The following SGMS1 variants were observed in gnomAD, a reference collection of about 807,000 sequenced individuals.
SGMS1 encodes sphingomyelin synthase 1, also known as phosphatidylcholine:ceramide cholinephosphotransferase 1.
Under a neutral mutation model 46.2 loss-of-function variants are expected in SGMS1, and 13 were observed. The ratio of observed to expected loss-of-function variants is 0.28; its 90% CI spans 0.18 to 0.45. The LOEUF is 0.45. SGMS1 is among the 20% of genes least tolerant of loss of function. SGMS1 has a pLI of 1.00. For synonymous variants in SGMS1, 203 were observed against 187.8 expected (o/e 1.08, Z -0.66); for missense variants, 324 against 519.9 (o/e 0.62, Z 3.66).
At chr10:50,554,822 C>G in intron 2 of SGMS1, among the ~76,000 whole-genome samples, 1 of 152,332 alleles carries the variant, frequency 6.6e-6, no homozygotes, top group Non-Finnish European at 1.5e-5. Context: ...TCTAGACACA[C>G]AAAATGTTCT....
chr10:50,512,929 C>T (rs1837770011), intron 3 of SGMS1, among the ~76,000 whole-genome samples: 1 of 152,182 alleles, frequency 6.6e-6, no homozygotes, highest in South Asian at 2.1e-4. Flanking sequence ...TTACCCACTA[C>T]AAGTCTTGAA....
chr10:50,339,178 C>A (rs1294330216), intron 7 of SGMS1, among the ~76,000 whole-genome samples: 2 of 152,202 alleles, frequency 1.3e-5, no homozygotes, highest in African/African-American at 2.4e-5. Flanking sequence ...TGGCTTACTG[C>A]CACATTTGAA....
chr10:50,560,035 C>T (rs1838220031), intron 2 of SGMS1, among the ~76,000 whole-genome samples: 2 of 146,702 alleles, frequency 1.4e-5, no homozygotes, highest in African/African-American at 4.9e-5. Context: ...CGTGTATACA[C>T]ACAGATTTAT....
chr10:50,595,403 C>A (rs1055983291), intron 1 of SGMS1, among the ~76,000 whole-genome samples: 6 of 152,180 alleles, frequency 3.9e-5, no homozygotes, highest in African/African-American at 1.4e-4. Flanking sequence ...GTCTCAAACT[C>A]CTAACCTTAG....
intron 9 of SGMS1, among the ~76,000 whole-genome samples, chr10:50,309,393 A>G (rs908376355): frequency 1.3e-5 from 2 of 152,218 alleles, no homozygotes; most frequent in Non-Finnish European, 2.9e-5. Flanking sequence ...TGAGGAAACT[A>G]AGACTTAGGT....
chr10:50,623,570 G>A (rs1375502627), intron 1 of SGMS1, 137 bp downstream of exon 1: 5 of 984,832 alleles, frequency 5.1e-6, no homozygotes, highest in South Asian at 9.4e-5. Flanking sequence ...GCGGCACCGC[G>A]CGGGCTGCGC....
intron 6 of SGMS1, among the ~76,000 whole-genome samples, chr10:50,371,771 A>T (rs1848439439): frequency 6.6e-6 from 1 of 152,206 alleles, no homozygotes; most frequent in Non-Finnish European, 1.5e-5. Context: ...GAAGGCTAGG[A>T]AGTTCAATCT....
At chr10:50,437,265 A>G (rs188782931) in intron 5 of SGMS1, among the ~76,000 whole-genome samples, 3 of 152,344 alleles carry the variant, frequency 2.0e-5, no homozygotes, top group South Asian at 2.1e-4. Flanking sequence ...GCTTGGGGTG[A>G]TATCTCATGT....
intron 1 of SGMS1, 92 bp from the exon 2 acceptor site, chr10:50,590,339 T>C (rs1403292961): frequency 1.3e-5 from 2 of 152,314 alleles, no homozygotes; most frequent in East Asian, 3.8e-4. Context: ...TAATATATGA[T>C]AAGCCTCTAA....
chr10:50,470,670 A>G (rs1378442035), intron 3 of SGMS1, among the ~76,000 whole-genome samples: 1 of 151,884 alleles, frequency 6.6e-6, no homozygotes, highest in Non-Finnish European at 1.5e-5. Flanking sequence ...CTATATTCTT[A>G]CCTTTTCTAG....
At chr10:50,348,013 C>T (rs868283385) in intron 6 of SGMS1, among the ~76,000 whole-genome samples, 3 of 152,146 alleles carry the variant, frequency 2.0e-5, no homozygotes, top group African/African-American at 4.8e-5. Context: ...TTTGTCCTAA[C>T]GCTTTCCCTC....
At chr10:50,557,028 AATT>A (rs1838194615) in intron 2 of SGMS1, among the ~76,000 whole-genome samples, 1 of 152,186 alleles carries the variant, frequency 6.6e-6, no homozygotes, top group Non-Finnish European at 1.5e-5. Context: ...TTGCAAATAA[AATT>A]AATATTAATA....
chr10:50,343,920 T>C lies in SGMS1; in HGVS notation c.195A>G (p.Glu65=). 6.2e-7 allele frequency: 1 copy of C among 1,613,980 alleles called. No individual in the cohort carries two copies. The highest frequency in any genetic ancestry group is 8.5e-7 in the Non-Finnish European group (1 of 1,179,894). Residue 65 remains glutamate, a synonymous_variant, in exon 7 of 11, where the codon GAA becomes GAG. Transcript: ENST00000361781. ...DNGQRLLDMI[E]TLKMEHHLEA... ...CCAAATGGTGCTCCATTTTCAGGGTTTCTATCATGTCCAGGAGCCGCTGCC... is the reference window on the plus strand; with the variant it reads ...CCAAATGGTGCTCCATTTTCAGGGTCTCTATCATGTCCAGGAGCCGCTGCC...
At chr10:50,492,881 GC>G (rs1837578554) in intron 3 of SGMS1, among the ~76,000 whole-genome samples, 1 of 152,054 alleles carries the variant, frequency 6.6e-6, no homozygotes, top group African/African-American at 2.4e-5. Context: ...TCCACTATGG[GC>G]CAAAAGACCC....
chr10:50,454,050 C>CAAAAAAAAAAAAAAAAAAAAA (rs71846628), intron 5 of SGMS1, among the ~76,000 whole-genome samples: 12 of 97,972 alleles, frequency 1.2e-4, no homozygotes, highest in Admixed American at 2.3e-4. Flanking sequence ...TTTACATAGG[C>CAAAAAAAAAAAAAAAAAAAAA]AAAAAAAAAA....
chr10:50,500,671 C>G (rs1236703252), intron 3 of SGMS1, among the ~76,000 whole-genome samples: 1 of 152,172 alleles, frequency 6.6e-6, no homozygotes, highest in Non-Finnish European at 1.5e-5. Context: ...ATATACTCCA[C>G]TGAGAAATAT....
intron 2 of SGMS1, among the ~76,000 whole-genome samples, chr10:50,564,638 A>T (rs532464632): frequency 6.6e-6 from 1 of 152,352 alleles, no homozygotes; most frequent in East Asian, 1.9e-4. Context: ...AGCAAGAAAG[A>T]ACATTCAAAA....
At chr10:50,377,968 A>G (rs1391210450) in intron 6 of SGMS1, among the ~76,000 whole-genome samples, 1 of 152,232 alleles carries the variant, frequency 6.6e-6, no homozygotes, top group African/African-American at 2.4e-5. Context: ...TGGATAATGC[A>G]GGATAAGCTC....
At chr10:50,569,578 C>A (rs1338914051) in intron 2 of SGMS1, among the ~76,000 whole-genome samples, 1 of 152,104 alleles carries the variant, frequency 6.6e-6, no homozygotes, top group Admixed American at 6.5e-5. Flanking sequence ...CTTTACTGGT[C>A]ATTTGTCTGC....
Sources: allele counts gnomAD v4.1 joint callset (sites outside exome capture counted in the v4.1 genomes callset), GRCh38; gene constraint gnomAD v4.1.1; transcripts MANE v1.5; gene names NCBI Gene and HGNC (gene_info 2026-07-23, HGNC 2026-07-21).